Variants in DEUP1 observed in about 807,000 individuals in gnomAD.
DEUP1 encodes the protein coiled-coil domain containing 67.
DEUP1 carries 82 observed loss-of-function variants against 87.4 expected under a neutral mutation model. That is an observed-to-expected ratio of 0.94 (90% CI 0.78 to 1.13). DEUP1 has a LOEUF of 1.13. Ranked by LOEUF, DEUP1 falls within the 50% of genes most tolerant of loss-of-function variation. The pLI is 0.00. For missense variants in DEUP1, 663 were observed against 681.5 expected, an observed-to-expected ratio of 0.97 and a Z score of 0.30; for synonymous variants, 214 against 222.7, an observed-to-expected ratio of 0.96 and a Z score of 0.35.
chr11:93,416,265 C>G (rs1947622403), intron 13 of DEUP1, among the ~76,000 whole-genome samples: 1 of 151,672 alleles, frequency 6.6e-6, no homozygotes, highest in Non-Finnish European at 1.5e-5. Flanking sequence ...AAAGGATCAA[C>G]AAAATTGATA....
chr11:93,375,644 A>T (rs1242859038), intron 7 of DEUP1, among the ~76,000 whole-genome samples: 1 of 152,140 alleles, frequency 6.6e-6, no homozygotes, highest in Non-Finnish European at 1.5e-5. Context: ...CCACTTGATC[A>T]TGGTGGATTA....
chr11:93,385,512 G>A lies in DEUP1; in HGVS notation c.904G>A (p.Glu302Lys). 1 of 1,609,586 alleles carries A rather than the reference G, an allele frequency of 6.2e-7. No individual in the cohort carries two copies. Among genetic ancestry groups the A allele is most frequent in the South Asian group, 1.1e-5 (1 of 90,154 alleles). Residue 302 changes from glutamate (E) to lysine (K), a missense_variant, in exon 8 of 14, where the codon GAG becomes AAG. By Grantham distance (56) the Glu-to-Lys change is moderately conservative. Transcript: ENST00000298050. ...QLHRELLKIG[E>K]CQNAQGNKTR... Reference sequence around the variant, plus strand: ...ACACAGAGAATTATTAAAAATAGGAGAGTGCCAAAATGCTCAAGGAAATAA... The same window carrying A: ...ACACAGAGAATTATTAAAAATAGGAAAGTGCCAAAATGCTCAAGGAAATAA...
At chr11:93,394,699 T>C (rs1176211277) in intron 10 of DEUP1, 43 bp downstream of exon 10, 4 of 1,384,698 alleles carry the variant, frequency 2.9e-6, no homozygotes, top group Non-Finnish European at 4.0e-6. Flanking sequence ...GGCACATTCT[T>C]GCTCAGTGCC....
intron 8 of DEUP1, among the ~76,000 whole-genome samples, chr11:93,385,915 T>C (rs911885341): frequency 2.0e-5 from 3 of 151,886 alleles, no homozygotes; most frequent in Non-Finnish European, 4.4e-5. Context: ...TACCTGGGCA[T>C]GGGGGCACAC....
chr11:93,395,150 C>T (rs1035620447), intron 10 of DEUP1, among the ~76,000 whole-genome samples: 4 of 152,060 alleles, frequency 2.6e-5, no homozygotes, highest in African/African-American at 9.7e-5. Flanking sequence ...CAGCATGGTA[C>T]GTGAGGAAAA....
rs150010642 is a variant in DEUP1, at chr11:93,391,439, G to A, written c.1041+2314G>A. On this transcript the variant is annotated intron_variant, in intron 9 of 13. Coordinates refer to ENST00000298050, the MANE Select transcript of DEUP1 (RefSeq NM_181645.4). ...AAAAGTTCCATTTTGGCCAGGTGCCGTGGCTCACGCCTGTAATCCCAGCAC... is the reference window on the plus strand; with the variant it reads ...AAAAGTTCCATTTTGGCCAGGTGCCATGGCTCACGCCTGTAATCCCAGCAC... Among the ~76,000 whole-genome samples the A allele has an allele frequency of 8.0e-3, 1,220 of 152,042 alleles. 15 individuals carry two copies. The highest frequency in any genetic ancestry group is 0.028 in the African/African-American group (1,173 of 41,494).
At chr11:93,427,316 T>C (rs1026041523) in intron 13 of DEUP1, among the ~76,000 whole-genome samples, 2 of 151,580 alleles carry the variant, frequency 1.3e-5, no homozygotes, top group Non-Finnish European at 2.9e-5. Flanking sequence ...TCAGAAATAA[T>C]GCCGCATATC....
chr11:93,394,352 G>A (rs1946868671), intron 9 of DEUP1, 107 bp from the exon 10 acceptor site: 3 of 703,272 alleles, frequency 4.3e-6, no homozygotes, highest in Non-Finnish European at 6.9e-6. Flanking sequence ...GGTGAAGTGG[G>A]CCCTGACAAA....
intron 7 of DEUP1, among the ~76,000 whole-genome samples, chr11:93,375,768 G>A (rs1034896536): frequency 2.6e-5 from 4 of 152,050 alleles, no homozygotes; most frequent in African/African-American, 9.7e-5. Flanking sequence ...ATCCTTTCCT[G>A]GTTTTGATAT....
chr11:93,370,720 AC>A (rs1945673200), intron 6 of DEUP1, among the ~76,000 whole-genome samples: 1 of 152,140 alleles, frequency 6.6e-6, no homozygotes, highest in South Asian at 2.1e-4. Context: ...TTGGTTATAG[AC>A]TTTTTTCAAC....
chr11:93,364,097 T>C lies in DEUP1; in HGVS notation c.298-63T>C, dbSNP rs925623913. 2.7e-5 allele frequency: 32 copies of C among 1,206,378 alleles called. 1 individual carries two copies. In the Admixed American group the frequency reaches 6.4e-4, roughly 24 times the overall value. 74.7% of individuals were successfully genotyped at this position (1,206,378 alleles called of 1,614,324 possible). On this transcript the variant is annotated intron_variant, in intron 4 of 13. Transcript: ENST00000298050. ...AAAGAGGTACACAGGAAAAGAGATA[T>C]AGTGAAATCAGGTTAGAAATAATTG...
chr11:93,366,269 A>G (rs2134249096), intron 5 of DEUP1, among the ~76,000 whole-genome samples: 1 of 152,290 alleles, frequency 6.6e-6, no homozygotes, highest in African/African-American at 2.4e-5. Context: ...GTGTATGAAA[A>G]TCTTCATAAT....
intron 4 of DEUP1, among the ~76,000 whole-genome samples, chr11:93,360,058 C>T (rs1293606746): frequency 1.3e-5 from 2 of 152,134 alleles, no homozygotes; most frequent in African/African-American, 2.4e-5. Flanking sequence ...TGAGGAGTCA[C>T]CACTGCTTAG....
intron 11 of DEUP1, among the ~76,000 whole-genome samples, chr11:93,404,884 C>A (rs1947222677): frequency 6.6e-6 from 1 of 151,074 alleles, no homozygotes; most frequent in African/African-American, 2.4e-5. Flanking sequence ...TGAGAGGGAC[C>A]CAAAAAAGGG....
chr11:93,437,368 G>A lies in DEUP1; in HGVS notation c.1639-175G>A, dbSNP rs1948276968. On this transcript the variant is annotated intron_variant, in intron 13 of 13. Transcript: ENST00000298050. ...TGTGATGTCTTACTTAGTTCCTTGA[G>A]GATTTCATTAGTGGTAACTGAATTA... is the stretch of plus-strand genomic sequence containing the variant. 1.3e-5 allele frequency: 7 copies of A among 547,248 alleles called. No homozygotes were observed. In the South Asian group the frequency reaches 2.0e-4, roughly 16 times the overall value. 33.9% of individuals were successfully genotyped at this position (547,248 alleles called of 1,614,324 possible).
chr11:93,385,346 T>A, intron 7 of DEUP1, 52 bp from the exon 8 acceptor site: 1 of 1,566,064 alleles, frequency 6.4e-7, no homozygotes, highest in Middle Eastern at 1.7e-4. Context: ...AAATGCATTG[T>A]ACGTTATGAT....
chr11:93,356,200 G>T (rs765179840), intron 3 of DEUP1, among the ~76,000 whole-genome samples: 19 of 152,186 alleles, frequency 1.2e-4, no homozygotes, highest in Non-Finnish European at 1.9e-4. Flanking sequence ...ATGTTTGCTA[G>T]TTATATACCG....
chr11:93,341,985 G>T (rs936725839), intron 2 of DEUP1, among the ~76,000 whole-genome samples: 1 of 151,968 alleles, frequency 6.6e-6, no homozygotes, highest in Non-Finnish European at 1.5e-5. Flanking sequence ...GCATCTTCGG[G>T]TTTTTCTCGG....
chr11:93,427,595 C>T (rs951419221), intron 13 of DEUP1, among the ~76,000 whole-genome samples: 2 of 150,778 alleles, frequency 1.3e-5, no homozygotes, highest in African/African-American at 4.9e-5. Context: ...ACACCAAAAG[C>T]AATGGCAACA....
Sources: gnomAD v4.1 joint callset for allele counts (sites outside exome capture counted in the v4.1 genomes callset) on GRCh38, gnomAD v4.1.1 for gene constraint, MANE v1.5 for transcripts, NCBI Gene and HGNC (gene_info 2026-07-23, HGNC 2026-07-21) for gene names.